The following SNX29 variants were observed in gnomAD, a reference collection of about 807,000 sequenced individuals.
SNX29 encodes the protein sorting nexin 29.
Under a neutral mutation model 102.1 loss-of-function variants are expected in SNX29, and 78 were observed. The ratio of observed to expected loss-of-function variants is 0.76; its 90% CI spans 0.64 to 0.92. The LOEUF (loss-of-function observed/expected upper bound fraction) is 0.92, where lower values mean the gene tolerates loss of function less well. SNX29 is among the 40% of genes least tolerant of loss of function. The pLI, the probability that SNX29 is intolerant of heterozygous loss-of-function variation, is 0.00. For missense variants in SNX29, 1,280 were observed against 1,061.7 expected, an observed-to-expected ratio of 1.21 and a Z score of -2.86; for synonymous variants, 580 against 414.5, an observed-to-expected ratio of 1.40 and a Z score of -4.85.
chr16:12,269,369 C>G (rs760767318), intron 14 of SNX29, among the ~76,000 whole-genome samples: 6 of 152,202 alleles, frequency 3.9e-5, no homozygotes, highest in African/African-American at 1.2e-4. Context: ...CAGACTGAAT[C>G]CTGCTTGGAG....
chr16:12,519,938 T>C (rs2090031059), intron 19 of SNX29, among the ~76,000 whole-genome samples: 1 of 152,014 alleles, frequency 6.6e-6, no homozygotes, highest in Non-Finnish European at 1.5e-5. Flanking sequence ...AACCAGGGAT[T>C]GCACCACTGC....
chr16:12,301,492 C>A (rs190871378), intron 15 of SNX29, among the ~76,000 whole-genome samples: 1 of 152,262 alleles, frequency 6.6e-6, no homozygotes, highest in African/African-American at 2.4e-5. Context: ...TCAGTGTCAC[C>A]GCCTCAGTGA....
At chr16:12,531,007 C>G (rs1346301632) in intron 20 of SNX29, among the ~76,000 whole-genome samples, 1 of 152,242 alleles carries the variant, frequency 6.6e-6, no homozygotes, top group Non-Finnish European at 1.5e-5. Flanking sequence ...TCTGGAACAT[C>G]TCGATGGATA....
At chr16:12,120,468 A>G (rs1324528320) in intron 11 of SNX29, among the ~76,000 whole-genome samples, 1 of 152,264 alleles carries the variant, frequency 6.6e-6, no homozygotes, top group Non-Finnish European at 1.5e-5. Flanking sequence ...CGCAGTCAGC[A>G]GTCTCTTCCC....
At chr16:12,478,500 A>C (rs2087760404) in intron 19 of SNX29, among the ~76,000 whole-genome samples, 1 of 152,198 alleles carries the variant, frequency 6.6e-6, no homozygotes, top group Admixed American at 6.5e-5. Context: ...TTGAGGAAGG[A>C]GGTGCTAGCC....
At chr16:12,562,277 G>A (rs1456945030) in intron 20 of SNX29, among the ~76,000 whole-genome samples, 26 of 152,244 alleles carry the variant, frequency 1.7e-4, no homozygotes, top group Non-Finnish European at 1.3e-4. Context: ...CATGGGCCAC[G>A]CTCTATCCCA....
chr16:12,380,553 A>G (rs150058367), intron 16 of SNX29, among the ~76,000 whole-genome samples: 1 of 96,870 alleles, frequency 1.0e-5, no homozygotes, highest in Non-Finnish European at 2.1e-5. Context: ...CCCACCATCC[A>G]TCCATCCACC....
intron 16 of SNX29, among the ~76,000 whole-genome samples, chr16:12,378,447 C>T (rs146820677): frequency 1.3e-4 from 20 of 152,256 alleles, no homozygotes; most frequent in Admixed American, 1.2e-3. Context: ...GTCAGGAGTT[C>T]AAGACCAGCC....
At chr16:12,267,005 C>T (rs868110918) in intron 14 of SNX29, among the ~76,000 whole-genome samples, 33 of 152,062 alleles carry the variant, frequency 2.2e-4, no homozygotes, top group Non-Finnish European at 2.6e-4. Context: ...TCAAGTGATC[C>T]GCCTGCCTCA....
chr16:12,552,499 C>A (rs115204611), intron 20 of SNX29, among the ~76,000 whole-genome samples: 16 of 152,296 alleles, frequency 1.1e-4, no homozygotes, highest in Non-Finnish European at 2.2e-4. Context: ...GAATCTTGCT[C>A]AAAAATAGCC....
At chr16:12,027,083 C>A (rs1172743699) in intron 3 of SNX29, among the ~76,000 whole-genome samples, 1 of 152,298 alleles carries the variant, frequency 6.6e-6, no homozygotes, top group Middle Eastern at 3.4e-3. Context: ...CTGTGCCAGT[C>A]TGATGCATAT....
chr16:12,383,650 G>A (rs1379741175), intron 16 of SNX29, among the ~76,000 whole-genome samples: 4 of 151,538 alleles, frequency 2.6e-5, no homozygotes, highest in African/African-American at 9.7e-5. Context: ...TGGCCAGGCT[G>A]GTCTCGAATT....
intron 20 of SNX29, chr16:12,561,214 C>G (rs569422985): frequency 4.3e-6 from 1 of 230,910 alleles, no homozygotes; most frequent in African/African-American, 2.2e-5. Context: ...CCCCCGCAGC[C>G]ATGCAGTACA....
chr16:12,126,875 G>C (rs1260197101), intron 12 of SNX29, among the ~76,000 whole-genome samples, 179 bp downstream of exon 12: 2 of 152,128 alleles, frequency 1.3e-5, no homozygotes, highest in Non-Finnish European at 2.9e-5. Context: ...TCTCTCTTTT[G>C]CCTGATATGT....
intron 15 of SNX29, among the ~76,000 whole-genome samples, chr16:12,353,591 G>A (rs934366074): frequency 6.6e-6 from 1 of 152,092 alleles, no homozygotes; most frequent in African/African-American, 2.4e-5. Context: ...ACCTCTCTCC[G>A]CCTCCTCCCT....
intron 13 of SNX29, among the ~76,000 whole-genome samples, chr16:12,193,281 C>T (rs1459434009): frequency 1.3e-5 from 2 of 151,982 alleles, no homozygotes; most frequent in Non-Finnish European, 2.9e-5. Context: ...ACCAGCCTGA[C>T]CAACATGGCA....
chr16:12,340,169 ATCT>A (rs2081570931), intron 15 of SNX29, among the ~76,000 whole-genome samples: 1 of 152,184 alleles, frequency 6.6e-6, no homozygotes, highest in African/African-American at 2.4e-5. Context: ...CATCATCGTC[ATCT>A]TCTCCATCCT....
intron 18 of SNX29, among the ~76,000 whole-genome samples, chr16:12,423,110 A>C (rs1450827262): frequency 6.6e-6 from 1 of 152,152 alleles, no homozygotes; most frequent in Non-Finnish European, 1.5e-5. Flanking sequence ...CCAAGCCTTC[A>C]TGCTACAGGC....
chr16:12,564,427 C>T (rs1324509694), intron 20 of SNX29, among the ~76,000 whole-genome samples: 1 of 152,128 alleles, frequency 6.6e-6, no homozygotes. Context: ...GCACTATTAT[C>T]CTCATTTCAC....
Sources: allele counts gnomAD v4.1 joint callset (sites outside exome capture counted in the v4.1 genomes callset), GRCh38; gene constraint gnomAD v4.1.1; transcripts MANE v1.5; gene names NCBI Gene and HGNC (gene_info 2026-07-23, HGNC 2026-07-21).